FNDC3A: variants seen among roughly 807,000 people sequenced by gnomAD.
FNDC3A encodes fibronectin type-III domain-containing protein 3A.
FNDC3A carries 32 observed loss-of-function variants against 148.9 expected under a neutral mutation model. That is an observed-to-expected ratio of 0.21 (90% CI 0.16 to 0.29). FNDC3A has a LOEUF of 0.29. Among genes scored for constraint, FNDC3A ranks in the 10% least tolerant of loss-of-function variants. The probability of loss-of-function intolerance (pLI) is 1.00; values close to 1 mark genes in which losing one functional copy is unlikely to be tolerated. For synonymous variants in FNDC3A, 472 were observed against 473.6 expected, an observed-to-expected ratio of 1.00 and a Z score of 0.04; for missense variants, 1,191 against 1,452.8, an observed-to-expected ratio of 0.82 and a Z score of 2.93.
intron 8 of FNDC3A, among the ~76,000 whole-genome samples, chr13:49,166,776 G>A (rs1380685185): frequency 6.6e-6 from 1 of 152,088 alleles, no homozygotes; most frequent in Non-Finnish European, 1.5e-5. Flanking sequence ...TTTAATTCCA[G>A]TGTTCTCTCT....
At chr13:49,075,833 A>T (rs1878070498) in intron 3 of FNDC3A, among the ~76,000 whole-genome samples, 1 of 58,708 alleles carries the variant, frequency 1.7e-5, no homozygotes, top group African/African-American at 7.9e-5. Context: ...CCCCCCTTTC[A>T]GATCCTACCT....
In FNDC3A at chr13:49,136,417, T is replaced by C. The variant is rs1357078136; in HGVS notation, c.576T>C (p.Asp192=). 2 of 1,613,848 alleles carry C rather than the reference T, an allele frequency of 1.2e-6. No individual in the cohort carries two copies. The highest frequency in any genetic ancestry group is 2.7e-5 in the African/African-American group (2 of 74,854). The part of the protein sequence containing the change: ...TYERLQKKLK[D]RQGTQKDKMS... ...AACGTTTGCAGAAAAAATTGAAGGA[T>C]CGCCAAGGAACACAGAAAGATAAAA... Residue 192 remains aspartate (D), a synonymous_variant, in exon 6 of 26, where the codon GAT becomes GAC. Transcript: ENST00000492622.
chr13:49,050,763 G>A (rs1164087911), intron 2 of FNDC3A, among the ~76,000 whole-genome samples: 1 of 152,112 alleles, frequency 6.6e-6, no homozygotes, highest in African/African-American at 2.4e-5. Flanking sequence ...CACTATTACT[G>A]TGTTGCCGTC....
chr13:49,061,318 T>TCTTCTCTTCC lies in FNDC3A; in HGVS notation c.100-13967_100-13966insTCTTCCCTTC, dbSNP rs1566222179. 5.4e-4 allele frequency among the ~76,000 whole-genome samples: 54 copies of TCTTCTCTTCC among 99,958 alleles called. 2 individuals are homozygous for TCTTCTCTTCC. Among genetic ancestry groups the TCTTCTCTTCC allele is most frequent in the Admixed American group, 6.9e-4 (7 of 10,098 alleles). The allele number at this position is 99,958 out of a possible 152,430, so 65.6% of individuals were successfully genotyped here. On this transcript the variant is annotated intron_variant, in intron 2 of 25. Transcript: ENST00000492622. ...TCCATTTTCCATTTTCCCTCTCTTC[T>TCTTCTCTTCC]CTTCCCTTCCCTTCCCTTCCCTTCC...
At chr13:49,031,517 A>C (rs1373168384) in intron 2 of FNDC3A, among the ~76,000 whole-genome samples, 1 of 152,194 alleles carries the variant, frequency 6.6e-6, no homozygotes, top group Non-Finnish European at 1.5e-5. Context: ...AAAGGTGCCT[A>C]GATGATTCTG....
At position 49,109,386 on chromosome 13, in the gene FNDC3A, T is replaced by C. The variant is rs377441946; in HGVS notation, c.176-5269T>C. 1.7e-3 allele frequency among the ~76,000 whole-genome samples: 258 copies of C among 152,324 alleles called. 8 individuals are homozygous for C. The South Asian group carries it at 0.053, about 31-fold the overall frequency. On this transcript the variant is annotated intron_variant, in intron 3 of 25. Transcript: ENST00000492622. Reference sequence around the variant, plus strand: ...AGCAGTAAATTGCCTTGCTAATAAATACTGAAGCTGTTATTAAAATATATC... The same window carrying C: ...AGCAGTAAATTGCCTTGCTAATAAACACTGAAGCTGTTATTAAAATATATC...
intron 2 of FNDC3A, among the ~76,000 whole-genome samples, chr13:49,039,073 G>A (rs1730159840): frequency 6.6e-6 from 1 of 151,968 alleles, no homozygotes; most frequent in Non-Finnish European, 1.5e-5. Flanking sequence ...GTGGTGCTGC[G>A]GGTCAGATGT....
intron 2 of FNDC3A, among the ~76,000 whole-genome samples, chr13:49,039,390 C>G (rs1057272686): frequency 3.3e-5 from 5 of 152,178 alleles, no homozygotes; most frequent in African/African-American, 1.2e-4. Context: ...AGGTTCCCGT[C>G]AGGCTTGCTT....
chr13:48,994,966 A>C (rs2137574630), intron 1 of FNDC3A, among the ~76,000 whole-genome samples: 1 of 152,294 alleles, frequency 6.6e-6, no homozygotes, highest in African/African-American at 2.4e-5. Context: ...TTCCACAATA[A>C]AAGGTTTTAA....
intron 3 of FNDC3A, among the ~76,000 whole-genome samples, chr13:49,082,939 T>TAACAAGA (rs1254375941): frequency 1.4e-4 from 22 of 152,102 alleles, no homozygotes; most frequent in African/African-American, 4.8e-4. Flanking sequence ...GGAGGCCATC[T>TAACAAGA]GTGTGGAGGG....
At chr13:49,091,561 C>T (rs1055352808) in intron 3 of FNDC3A, among the ~76,000 whole-genome samples, 1 of 152,222 alleles carries the variant, frequency 6.6e-6, no homozygotes, top group East Asian at 1.9e-4. Flanking sequence ...GGGAAGATTT[C>T]CCTTCACTGT....
At chr13:49,128,408 TTGAGGTGGGGTGA>T (rs1488799678) in intron 4 of FNDC3A, among the ~76,000 whole-genome samples, 1 of 152,166 alleles carries the variant, frequency 6.6e-6, no homozygotes, top group Non-Finnish European at 1.5e-5. Flanking sequence ...ATGTAAACAT[TTGAGGTGGGGTGA>T]TGTTTTTGTT....
chr13:49,191,227 G>C lies in FNDC3A; in HGVS notation c.2069G>C (p.Gly690Ala). 1 of 1,609,230 alleles carries C rather than the reference G, an allele frequency of 6.2e-7. No homozygotes were observed. The highest frequency in any genetic ancestry group is 8.5e-7 in the Non-Finnish European group (1 of 1,178,316). ...CTTTTAGGACCCCCTCTGGTTGATGGTGGATCACCCATTTCCTGTTACAGT... is the reference window on the plus strand; with the variant it reads ...CTTTTAGGACCCCCTCTGGTTGATGCTGGATCACCCATTTCCTGTTACAGT... ...QLRWGPPLVD[G>A]GSPISCYSVE... is the part of the protein sequence containing the mutation. Residue 690 changes from glycine (G) to alanine (A), a missense_variant, in exon 19 of 26, where the codon GGT (glycine) becomes GCT (alanine). Around this residue, in one of 3 missense-constraint regions of FNDC3A, gnomAD observed 751 missense variants for 944.0 expected, o/e 0.80. Transcript: ENST00000492622.
chr13:49,123,024 G>C (rs1881460765), intron 4 of FNDC3A, among the ~76,000 whole-genome samples: 1 of 152,096 alleles, frequency 6.6e-6, no homozygotes, highest in Non-Finnish European at 1.5e-5. Context: ...AACCAAAAAA[G>C]AGCCCATATA....
At chr13:49,104,996 A>G (rs1473365336) in intron 3 of FNDC3A, among the ~76,000 whole-genome samples, 1 of 152,244 alleles carries the variant, frequency 6.6e-6, no homozygotes, top group Non-Finnish European at 1.5e-5. Context: ...TATGAAAAAT[A>G]TAAGTCATAA....
intron 24 of FNDC3A, among the ~76,000 whole-genome samples, chr13:49,202,933 C>T (rs992206925): frequency 6.6e-6 from 1 of 152,178 alleles, no homozygotes; most frequent in Non-Finnish European, 1.5e-5. Flanking sequence ...ATGATCGCAC[C>T]ACTGTTGTCC....
At chr13:49,018,413 A>G (rs1310170490) in intron 2 of FNDC3A, among the ~76,000 whole-genome samples, 1 of 152,014 alleles carries the variant, frequency 6.6e-6, no homozygotes, top group Non-Finnish European at 1.5e-5. Flanking sequence ...AGGCTTCTGC[A>G]TTCTTCACGT....
intron 8 of FNDC3A, among the ~76,000 whole-genome samples, chr13:49,164,323 G>T (rs1884333708): frequency 6.6e-6 from 1 of 152,050 alleles, no homozygotes; most frequent in Admixed American, 6.5e-5. Context: ...AATTTTCTTT[G>T]TTTTTTACTT....
At chr13:49,137,603 C>G (rs916363860) in intron 6 of FNDC3A, among the ~76,000 whole-genome samples, 1 of 152,220 alleles carries the variant, frequency 6.6e-6, no homozygotes, top group African/African-American at 2.4e-5. Flanking sequence ...CCTTGACCTT[C>G]CAGTGTGCTA....
Sources: allele counts gnomAD v4.1 joint callset (sites outside exome capture counted in the v4.1 genomes callset), GRCh38; gene constraint gnomAD v4.1.1; regional missense constraint gnomAD v4.1.1; transcripts MANE v1.5; gene names NCBI Gene and HGNC (gene_info 2026-07-23, HGNC 2026-07-21).